The following KIAA0753 variants were observed in gnomAD, a reference collection of about 807,000 sequenced individuals.
KIAA0753 encodes protein moonraker.
In KIAA0753, 114 loss-of-function variants were observed where a neutral mutation model predicts 116.9. The observed-to-expected ratio is 0.98, with a 90% CI of 0.84 to 1.14. KIAA0753 has a LOEUF of 1.14. Among genes scored for constraint, KIAA0753 ranks in the 50% most tolerant of loss-of-function variants. KIAA0753 has a pLI of 0.00. For synonymous variants in KIAA0753, 405 were observed against 413.1 expected, an observed-to-expected ratio of 0.98 and a Z score of 0.24; for missense variants, 1,156 against 1,172.4, an observed-to-expected ratio of 0.99 and a Z score of 0.20.
intron 16 of KIAA0753, among the ~76,000 whole-genome samples, chr17:6,591,899 CA>C (rs1969097488): frequency 6.6e-6 from 1 of 152,252 alleles, no homozygotes; most frequent in Non-Finnish European, 1.5e-5. Flanking sequence ...CACACAATGA[CA>C]AACTCTCTGC....
At chr17:6,608,547 G>A in intron 9 of KIAA0753, 83 bp from the exon 10 acceptor site, 3 of 633,198 alleles carry the variant, frequency 4.7e-6, no homozygotes, top group Non-Finnish European at 7.7e-6. Context: ...GCTCAGAGAT[G>A]ACAACAGCAT....
At chr17:6,617,231 CCTAA>C (rs1347355996) in intron 7 of KIAA0753, among the ~76,000 whole-genome samples, 2 of 152,134 alleles carry the variant, frequency 1.3e-5, no homozygotes, top group Non-Finnish European at 2.9e-5. Context: ...CACTTAAGTG[CCTAA>C]CTGTGTGGCA....
At chr17:6,614,507 T>TG (rs34769605) in intron 7 of KIAA0753, among the ~76,000 whole-genome samples, 40,543 of 146,300 alleles carry the variant, frequency 0.28, 6,047 homozygotes, top group Admixed American at 0.37. Flanking sequence ...CAAGCATAAG[T>TG]GGGGGGGGGT....
chr17:6,611,968 TCAGTCA>T lies in KIAA0753; in HGVS notation c.1490_1495del (p.Val497_Thr498del), dbSNP rs763471862. Reference sequence around the variant, plus strand: ...ATCTTTCTTCCTAAACGGCACATTCTCAGTCACAGGCTTCTTTTTCCCTGCTTTTGT... The same window carrying T: ...ATCTTTCTTCCTAAACGGCACATTCTCAGGCTTCTTTTTCCCTGCTTTTGT... On this transcript the variant is annotated inframe_deletion, in exon 8 of 19. Coordinates refer to ENST00000361413, the MANE Select transcript of KIAA0753 (RefSeq NM_014804.3). The T allele has an allele frequency of 1.4e-5, 22 of 1,614,060 alleles. No individual in the cohort carries two copies. The highest frequency in any genetic ancestry group is 1.6e-5 in the Non-Finnish European group (19 of 1,180,038).
chr17:6,611,271 T>G (rs1003535182), intron 8 of KIAA0753, among the ~76,000 whole-genome samples: 4 of 152,176 alleles, frequency 2.6e-5, no homozygotes, highest in African/African-American at 9.7e-5. Context: ...CAGTAATTAT[T>G]ATTGATCGAT....
In KIAA0753 at chr17:6,589,487, G is replaced by A. The variant is rs140722948; in HGVS notation, c.2786+292C>T. Among the ~76,000 whole-genome samples, 860 of 152,298 alleles carry A rather than the reference G, an allele frequency of 5.6e-3. 4 individuals carry two copies. Among genetic ancestry groups the A allele is most frequent in the African/African-American group, 0.02 (825 of 41,548 alleles). ...CGATGGTATTCTGTGATGACAGCCT[G>A]AGCTGACTAGAACCCGATGGTATTC... is the stretch of plus-strand genomic sequence containing the variant. On this transcript the variant is annotated intron_variant, in intron 18 of 18. Transcript: ENST00000361413.
At chr17:6,623,267 G>C (rs1399849488) in intron 5 of KIAA0753, among the ~76,000 whole-genome samples, 170 bp from the exon 6 acceptor site, 2 of 152,182 alleles carry the variant, frequency 1.3e-5, no homozygotes, top group South Asian at 2.1e-4. Context: ...TCTAGTGGCA[G>C]TCTTTTCCTT....
At chr17:6,628,832 C>T in intron 2 of KIAA0753, 91 bp from the exon 3 acceptor site, 3 of 1,314,790 alleles carry the variant, frequency 2.3e-6, no homozygotes, top group Non-Finnish European at 3.1e-6. Context: ...TAAAATTTTG[C>T]CACCAGATCA....
chr17:6,580,308 C>CCAAGATACT (rs76209441), intron 18 of KIAA0753, among the ~76,000 whole-genome samples: 17,530 of 150,170 alleles, frequency 0.12, 1,639 homozygotes, highest in East Asian at 0.39. Flanking sequence ...CCAAGAACAG[C>CCAAGATACT]CAAGATACTT....
chr17:6,632,371 T>TC (rs1208554022), intron 2 of KIAA0753, among the ~76,000 whole-genome samples: 60 of 151,978 alleles, frequency 3.9e-4, no homozygotes, highest in African/African-American at 1.3e-3. Context: ...TAATAATGAG[T>TC]CTGTGCTGAA....
intron 15 of KIAA0753, among the ~76,000 whole-genome samples, chr17:6,595,480 A>AC (rs1291256678): frequency 6.6e-6 from 1 of 150,760 alleles, no homozygotes; most frequent in African/African-American, 2.5e-5. Flanking sequence ...GGATCTTTAA[A>AC]CTTTCAAATC....
intron 3 of KIAA0753, among the ~76,000 whole-genome samples, chr17:6,625,091 T>C (rs1242258414): frequency 6.6e-6 from 1 of 152,206 alleles, no homozygotes; most frequent in Non-Finnish European, 1.5e-5. Flanking sequence ...ATTTACTCCA[T>C]CAAGCTCCCC....
intron 12 of KIAA0753, among the ~76,000 whole-genome samples, chr17:6,605,909 G>A (rs1201645393): frequency 6.6e-6 from 1 of 152,156 alleles, no homozygotes; most frequent in Middle Eastern, 3.2e-3. Context: ...AGGAATAAAC[G>A]GGACACAGAG....
At chr17:6,605,913 C>T (rs1471933441) in intron 12 of KIAA0753, among the ~76,000 whole-genome samples, 1 of 152,132 alleles carries the variant, frequency 6.6e-6, no homozygotes, top group Admixed American at 6.5e-5. Context: ...ATAAACGGGA[C>T]ACAGAGGATG....
At chr17:6,621,781 T>A (rs1041657644) in intron 6 of KIAA0753, among the ~76,000 whole-genome samples, 1 of 152,236 alleles carries the variant, frequency 6.6e-6, no homozygotes, top group African/African-American at 2.4e-5. Context: ...TATAGGATTA[T>A]GAAGATGTGT....
chr17:6,606,565 T>C (rs1239025083), intron 12 of KIAA0753, among the ~76,000 whole-genome samples: 1 of 152,230 alleles, frequency 6.6e-6, no homozygotes, highest in Admixed American at 6.5e-5. Flanking sequence ...CTTCTGCCCT[T>C]AGAAGGACTG....
At chr17:6,634,350 C>T (rs149645240) in intron 2 of KIAA0753, among the ~76,000 whole-genome samples, 3,220 of 152,224 alleles carry the variant, frequency 0.021, 104 homozygotes, top group African/African-American at 0.071. Context: ...GTGATCCGCC[C>T]GCCTGGACCT....
Position 6,624,818 on chromosome 17 carries a change from G to T in KIAA0753, c.762C>A (p.Ile254=). Residue 254 remains isoleucine (I), a synonymous_variant, in exon 4 of 19, where the codon ATC becomes ATA. Transcript: ENST00000361413. ...CAGCTTGCTCCTGTCTCCTGATACG[G>T]ATTCGACGTTCTTCATCTGGATCCA... ...EALDPDEERR[I]RIRRQEQAAR... 1 of 1,563,164 alleles carries T rather than the reference G, an allele frequency of 6.4e-7. No individual in the cohort carries two copies. The highest frequency in any genetic ancestry group is 2.3e-5 in the East Asian group (1 of 42,760).
intron 8 of KIAA0753, among the ~76,000 whole-genome samples, chr17:6,611,042 AT>A (rs1335971904): frequency 6.6e-6 from 1 of 152,188 alleles, no homozygotes; most frequent in Non-Finnish European, 1.5e-5. Context: ...AAATAAACAG[AT>A]TTGCTAAAGA....
Sources: allele counts gnomAD v4.1 joint callset (sites outside exome capture counted in the v4.1 genomes callset), GRCh38; gene constraint gnomAD v4.1.1; transcripts MANE v1.5; gene names NCBI Gene and HGNC (gene_info 2026-07-23, HGNC 2026-07-21).